Variants in CRB1 observed in about 807,000 individuals in gnomAD.
The protein encoded by CRB1 is protein crumbs homolog 1.
CRB1 carries 83 observed loss-of-function variants against 120.0 expected under a neutral mutation model. The observed-to-expected ratio is 0.69, with a 90% confidence interval of 0.58 to 0.83. CRB1 has a LOEUF of 0.83. CRB1 is among the 40% of genes least tolerant of loss of function. The probability of loss-of-function intolerance (pLI) is 0.00; values close to 1 mark genes in which losing one functional copy is unlikely to be tolerated. For synonymous variants in CRB1, 625 were observed against 612.5 expected (o/e 1.02, Z -0.30); for missense variants, 1,699 against 1,687.6 (o/e 1.01, Z -0.12).
Position 197,427,662 on chromosome 1 carries a change from T to C in CRB1, c.2337T>C (p.Ser779=), listed in dbSNP as rs879093298. 6.2e-7 allele frequency: 1 copy of C among 1,613,902 alleles called. No homozygotes were observed. Among genetic ancestry groups the C allele is most frequent in the Non-Finnish European group, 8.5e-7 (1 of 1,179,930 alleles). ...RGRLAMLTPN[S]PKLVVKFVLN... is the part of the protein sequence containing the mutation. ...GACTAGCAATGCTGACTCCAAACTC[T>C]CCCAAATTAGTAGTAAAATTTGTTC... The change falls in exon 7 of 12, where the codon TCT becomes TCC. Residue 779 remains serine, a synonymous_variant. Coordinates refer to ENST00000367400, the MANE Select transcript of CRB1 (RefSeq NM_201253.3).
chr1:197,238,104 A>G, the CRB1 span, among the ~76,000 whole-genome samples: 1 of 152,138 alleles, frequency 6.6e-6, no homozygotes, highest in Non-Finnish European at 1.5e-5. Context: ...TTTTTCATCC[A>G]AGGATTATTT....
At chr1:197,222,263 T>C in the CRB1 span, 1 of 544,754 alleles carries the variant, frequency 1.8e-6, no homozygotes, top group Non-Finnish European at 3.5e-6. Flanking sequence ...TGGCGGGTGT[T>C]TGAGGGAACG....
chr1:197,395,070 G>A (rs542297471), intron 5 of CRB1, among the ~76,000 whole-genome samples: 3 of 152,210 alleles, frequency 2.0e-5, no homozygotes, highest in South Asian at 2.1e-4. Context: ...GAGGAAGGCT[G>A]GGCCTCAGAG....
intron 1 of CRB1, among the ~76,000 whole-genome samples, chr1:197,307,015 G>T (rs1657214939): frequency 6.6e-6 from 1 of 151,972 alleles, no homozygotes; most frequent in African/African-American, 2.4e-5. Flanking sequence ...TGAAAATTTA[G>T]ATATTTTTAC....
chr1:197,301,913 A>G (rs1204402476), intron 1 of CRB1, among the ~76,000 whole-genome samples: 1 of 152,178 alleles, frequency 6.6e-6, no homozygotes, highest in African/African-American at 2.4e-5. Flanking sequence ...ATTTTGTGAA[A>G]TGAAATCTAC....
At chr1:197,235,461 A>G in the CRB1 span, among the ~76,000 whole-genome samples, 1 of 152,174 alleles carries the variant, frequency 6.6e-6, no homozygotes, top group African/African-American at 2.4e-5. Context: ...TGCTTTTGGA[A>G]TCCTGTGATT....
intron 5 of CRB1, among the ~76,000 whole-genome samples, chr1:197,360,052 A>G (rs1165311699): frequency 6.6e-6 from 1 of 152,120 alleles, no homozygotes; most frequent in Non-Finnish European, 1.5e-5. Flanking sequence ...AGTAAATAGT[A>G]TTCTGTTTTT....
intron 1 of CRB1, among the ~76,000 whole-genome samples, chr1:197,272,506 C>T (rs1654962828): frequency 6.6e-6 from 1 of 151,856 alleles, no homozygotes; most frequent in Non-Finnish European, 1.5e-5. Flanking sequence ...CTCACAATAA[C>T]AAATACTGGA....
chr1:197,355,254 C>T (rs1166106149), intron 4 of CRB1, among the ~76,000 whole-genome samples: 1 of 152,202 alleles, frequency 6.6e-6, no homozygotes, highest in Non-Finnish European at 1.5e-5. Context: ...TTGAGCTAGA[C>T]ACAGGGTGCT....
Position 197,434,594 on chromosome 1 carries a change from A to C in CRB1, c.2843-112A>C. ...ACTAGCACAGTATGTAACATGTATCAAATAGTCAATATGCAATGTTATTAA... is the reference window on the plus strand; with the variant it reads ...ACTAGCACAGTATGTAACATGTATCCAATAGTCAATATGCAATGTTATTAA... On this transcript the variant is annotated intron_variant, in intron 8 of 11. Transcript: ENST00000367400. 3 of 985,382 alleles carry C rather than the reference A, an allele frequency of 3.0e-6. No homozygotes were observed. In the South Asian group the frequency reaches 4.3e-5, roughly 14 times the overall value. 61.0% of individuals were successfully genotyped at this position (985,382 alleles called of 1,614,324 possible).
the CRB1 span, among the ~76,000 whole-genome samples, chr1:197,252,653 C>CACACACAT: frequency 3.0e-5 from 4 of 135,094 alleles, no homozygotes; most frequent in African/African-American, 1.1e-4. Flanking sequence ...CACACACACA[C>CACACACAT]ATATATATAA....
the CRB1 span, among the ~76,000 whole-genome samples, chr1:197,252,660 A>G: frequency 6.9e-6 from 1 of 144,750 alleles, no homozygotes; most frequent in Non-Finnish European, 1.5e-5. Context: ...ACACATATAT[A>G]TAAAATAAAA....
the CRB1 span, among the ~76,000 whole-genome samples, chr1:197,255,965 TTATATATATATATATATATA>T: frequency 1.4e-3 from 121 of 85,342 alleles, 1 homozygote; most frequent in Admixed American, 1.5e-3. Flanking sequence ...ATAGAACATT[TTATATATATATATATATATA>T]TATATATATA....
chr1:197,257,755 A>G, the CRB1 span, among the ~76,000 whole-genome samples: 1 of 152,288 alleles, frequency 6.6e-6, no homozygotes, highest in African/African-American at 2.4e-5. Flanking sequence ...TGTCCTCATT[A>G]GTTGCCTTAG....
At position 197,371,452 on chromosome 1, in the gene CRB1, C is replaced by T. The variant is rs977632656; in HGVS notation, c.1171+14439C>T. The stretch of plus-strand genomic sequence containing the variant: ...TTTTTAAATCTTCTATTTCTTCAAA[C>T]TTCCAATACCTCCTCCCTCATTGTT... On this transcript the variant is annotated intron_variant, in intron 5 of 11. Coordinates refer to ENST00000367400, the MANE Select transcript of CRB1 (RefSeq NM_201253.3). 1.2e-4 allele frequency among the ~76,000 whole-genome samples: 18 copies of T among 152,148 alleles called. 1 individual carries two copies. Among genetic ancestry groups the T allele is most frequent in the Admixed American group, 6.5e-5 (1 of 15,282 alleles).
At chr1:197,386,264 T>A (rs1244911082) in intron 5 of CRB1, among the ~76,000 whole-genome samples, 1 of 152,124 alleles carries the variant, frequency 6.6e-6, no homozygotes, top group African/African-American at 2.4e-5. Context: ...GATCAAACGA[T>A]ATGGTAAATA....
At chr1:197,233,003 T>C in the CRB1 span, among the ~76,000 whole-genome samples, 1 of 151,892 alleles carries the variant, frequency 6.6e-6, no homozygotes, top group Non-Finnish European at 1.5e-5. Flanking sequence ...TCTTTGAAGG[T>C]ATCGTTTAAA....
rs1181058974 is a variant in CRB1 at position 197,316,992 on chromosome 1, A to G, written c.71-11430A>G. ...GTGAAAGATCTCTGCAATGAAAACC[A>G]AAAAACATTGAGGAGAGAAACTGAA... On this transcript the variant is annotated intron_variant, in intron 1 of 11. Transcript: ENST00000367400. Among the ~76,000 whole-genome samples the G allele has an allele frequency of 2.6e-5, 4 of 152,268 alleles. No homozygotes were observed. The East Asian group carries it at 7.7e-4, about 29-fold the overall frequency.
chr1:197,461,262 C>T (rs1322830086), intron 11 of CRB1, among the ~76,000 whole-genome samples: 1 of 152,122 alleles, frequency 6.6e-6, no homozygotes, highest in African/African-American at 2.4e-5. Context: ...AGAGGATCAG[C>T]TTCTGTGTGT....
Sources: allele counts gnomAD v4.1 joint callset (sites outside exome capture counted in the v4.1 genomes callset), GRCh38; gene constraint gnomAD v4.1.1; transcripts MANE v1.5; gene names NCBI Gene and HGNC (gene_info 2026-07-23, HGNC 2026-07-21).